Variants in PCDHAC2 observed in about 807,000 individuals in gnomAD.
PCDHAC2 encodes the protein protocadherin alpha subfamily C, 2.
A neutral mutation model predicts 63.3 loss-of-function variants in PCDHAC2; 24 were observed. The observed-to-expected ratio is 0.38, with a 90% CI of 0.27 to 0.53. PCDHAC2 has a LOEUF of 0.53. Among genes scored for constraint, PCDHAC2 ranks in the 20% least tolerant of loss-of-function variants. The pLI is 0.81. For missense variants in PCDHAC2, 1,181 were observed against 1,275.2 expected, an observed-to-expected ratio of 0.93 and a Z score of 1.12; for synonymous variants, 569 against 529.4, an observed-to-expected ratio of 1.07 and a Z score of -1.03.
chr5:140,968,772 C>T lies in PCDHAC2; in HGVS notation c.2006C>T (p.Ser669Leu), dbSNP rs782257554. 2 of 1,614,180 alleles carry T rather than the reference C, an allele frequency of 1.2e-6. No homozygotes were observed. Among genetic ancestry groups the T allele is most frequent in the South Asian group, 1.1e-5 (1 of 91,078 alleles). ...TVVVRDNGEP[S>L]LSASVAITVA... ...GTGGTCCGAGATAATGGAGAGCCAT[C>T]ACTATCAGCCTCTGTGGCCATTACA... The change falls in exon 1 of 4, where the codon TCA becomes TTA. Residue 669 changes from serine (S) to leucine (L), a missense_variant. Ser to Leu is a moderately radical substitution (Grantham distance 145). Coordinates refer to ENST00000289269, the MANE Select transcript of PCDHAC2 (RefSeq NM_018899.6).
At chr5:140,985,832 C>T (rs760290757) in intron 3 of PCDHAC2, among the ~76,000 whole-genome samples, 4 of 151,378 alleles carry the variant, frequency 2.6e-5, no homozygotes, top group African/African-American at 4.9e-5. Flanking sequence ...CTCTGCCTCC[C>T]GGGTTCATGC....
At chr5:140,985,127 C>T (rs986497777) in intron 3 of PCDHAC2, among the ~76,000 whole-genome samples, 7 of 152,152 alleles carry the variant, frequency 4.6e-5, no homozygotes, top group Non-Finnish European at 1.0e-4. Flanking sequence ...TTAGTAAAGA[C>T]GGGGTTTCAC....
In PCDHAC2 at chr5:140,968,608, T is replaced by C; in HGVS notation, c.1842T>C (p.Ser614=). ...AAGTCATAGCTATGGACTCAGACTCTGGGCAAAATGCTTGGCTTTTTTACC... is the reference window on the plus strand; with the variant it reads ...AAGTCATAGCTATGGACTCAGACTCCGGGCAAAATGCTTGGCTTTTTTACC... ...VTKVIAMDSD[S]GQNAWLFYHL... is the part of the protein sequence containing the mutation. The change falls in exon 1 of 4, where the codon TCT becomes TCC. Residue 614 remains serine, a synonymous_variant. Transcript: ENST00000289269. The C allele has an allele frequency of 6.2e-7, 1 of 1,614,242 alleles. No individual in the cohort carries two copies. Among genetic ancestry groups the C allele is most frequent in the South Asian group, 1.1e-5 (1 of 91,092 alleles).
In PCDHAC2 at chr5:141,012,192, T is replaced by TA. The variant is rs1424309622; in HGVS notation, c.*2256dup. 1 of 153,796 alleles carries TA rather than the reference T, an allele frequency of 6.5e-6. No homozygotes were observed. The highest frequency in any genetic ancestry group is 6.5e-5 in the Admixed American group (1 of 15,282). The allele number at this position is 153,796 out of a possible 1,614,324, so 9.5% of individuals were successfully genotyped here. ...AATGATGATAATTATAATGTATCTGTACAGCACTTTTTACATTTGCGAAGT... is the reference window on the plus strand; with the variant it reads ...AATGATGATAATTATAATGTATCTGTAACAGCACTTTTTACATTTGCGAAGT... On this transcript the variant is annotated 3_prime_UTR_variant, in exon 4 of 4. Transcript: ENST00000289269.
intron 3 of PCDHAC2, among the ~76,000 whole-genome samples, chr5:141,006,898 C>A (rs2098293427): frequency 6.6e-6 from 1 of 152,152 alleles, no homozygotes; most frequent in East Asian, 1.9e-4. Context: ...TTTCAGATTT[C>A]TTCAGTTTGG....
chr5:140,978,150 C>T (rs1009630892), intron 1 of PCDHAC2, among the ~76,000 whole-genome samples: 2 of 152,286 alleles, frequency 1.3e-5, no homozygotes, highest in South Asian at 4.2e-4. Context: ...TTGTTCTCCC[C>T]CTTCAGACTG....
At chr5:141,001,822 TGACAGAGAGGGA>T (rs541215764) in intron 3 of PCDHAC2, among the ~76,000 whole-genome samples, 203 of 152,310 alleles carry the variant, frequency 1.3e-3, no homozygotes, top group African/African-American at 4.5e-3. Context: ...GGCCAAATTC[TGACAGAGAGGGA>T]GACAGAGAGA....
chr5:140,985,170 C>T (rs1465909141), intron 3 of PCDHAC2, among the ~76,000 whole-genome samples: 12 of 152,168 alleles, frequency 7.9e-5, no homozygotes, highest in African/African-American at 2.9e-4. Flanking sequence ...ATCTCCTGAC[C>T]TCGTAATCCG....
At chr5:140,997,465 A>G (rs1427334533) in intron 3 of PCDHAC2, among the ~76,000 whole-genome samples, 1 of 152,182 alleles carries the variant, frequency 6.6e-6, no homozygotes, top group Non-Finnish European at 1.5e-5. Flanking sequence ...ACTGTAGGCA[A>G]TTTTTACACA....
In PCDHAC2 at chr5:140,967,156, G is replaced by A. The variant is rs1169438367; in HGVS notation, c.390G>A (p.Ala130=). ...AAGTGCTGGCGCACAACCCCGTGGC[G>A]GTGAGCGCCGTTGAGGTGGAAATAT... is the stretch of plus-strand genomic sequence containing the variant. ...SLEVLAHNPV[A]VSAVEVEILD... The change falls in exon 1 of 4, where the codon GCG becomes GCA. Residue 130 remains alanine, a synonymous_variant. Coordinates refer to ENST00000289269, the MANE Select transcript of PCDHAC2 (RefSeq NM_018899.6). The A allele has an allele frequency of 6.2e-7, 1 of 1,610,422 alleles. No individual in the cohort carries two copies. The highest frequency in any genetic ancestry group is 1.7e-5 in the Admixed American group (1 of 59,924).
chr5:140,967,929 G>C lies in PCDHAC2; in HGVS notation c.1163G>C (p.Ser388Thr), dbSNP rs1554230126. ...ATPNTIVAVL[S>T]VNDQDSGPNR... is the part of the protein sequence containing the mutation. ...CCCAACACCATTGTGGCCGTTCTCAGTGTCAATGACCAAGACTCAGGCCCC... is the reference window on the plus strand; with the variant it reads ...CCCAACACCATTGTGGCCGTTCTCACTGTCAATGACCAAGACTCAGGCCCC... Residue 388 changes from serine to threonine, a missense_variant, in exon 1 of 4, where the codon AGT becomes ACT. Physicochemically the swap from Ser to Thr is moderately conservative, Grantham distance 58 (BLOSUM62 1). Around this residue, in one of 3 missense-constraint regions of PCDHAC2, gnomAD observed 968 missense variants for 1,073.5 expected, o/e 0.90. Transcript: ENST00000289269. 6.2e-7 allele frequency: 1 copy of C among 1,614,214 alleles called. No homozygotes were observed. The highest frequency in any genetic ancestry group is 8.5e-7 in the Non-Finnish European group (1 of 1,180,034).
At chr5:141,007,258 A>G (rs1160413471) in intron 3 of PCDHAC2, among the ~76,000 whole-genome samples, 1 of 152,110 alleles carries the variant, frequency 6.6e-6, no homozygotes, top group Non-Finnish European at 1.5e-5. Flanking sequence ...AGTTAAAAGA[A>G]GCAGATACAG....
chr5:141,004,632 GA>G (rs1401867459), intron 3 of PCDHAC2, among the ~76,000 whole-genome samples: 19 of 152,200 alleles, frequency 1.2e-4, no homozygotes, highest in African/African-American at 3.4e-4. Context: ...TATGGTTGAA[GA>G]AAAATTTCCA....
intron 3 of PCDHAC2, among the ~76,000 whole-genome samples, chr5:140,987,875 G>A (rs1293461683): frequency 6.6e-6 from 1 of 152,008 alleles, no homozygotes; most frequent in Non-Finnish European, 1.5e-5. Flanking sequence ...GTGGAAAATG[G>A]ACAGTTTATG....
At chr5:140,999,892 G>A (rs1329841334) in intron 3 of PCDHAC2, among the ~76,000 whole-genome samples, 1 of 152,134 alleles carries the variant, frequency 6.6e-6, no homozygotes, top group Non-Finnish European at 1.5e-5. Context: ...GCTGTAGCTT[G>A]GGACACCAAA....
chr5:140,967,601 C>A lies in PCDHAC2; in HGVS notation c.835C>A (p.Leu279Met), dbSNP rs782574259. The A allele has an allele frequency of 9.3e-6, 15 of 1,614,144 alleles. No individual in the cohort carries two copies. The highest frequency in any genetic ancestry group is 1.3e-5 in the Non-Finnish European group (15 of 1,180,034). ...ACCCCCAGGCACATTGGTGGTGAAGCTGAATGCCTCAGACCCGGATGAGGG... is the reference window on the plus strand; with the variant it reads ...ACCCCCAGGCACATTGGTGGTGAAGATGAATGCCTCAGACCCGGATGAGGG... ...DSPPGTLVVK[L>M]NASDPDEGSN... Residue 279 changes from leucine to methionine, a missense_variant, in exon 1 of 4, where the codon CTG (leucine) becomes ATG (methionine). Around this residue, in one of 3 missense-constraint regions of PCDHAC2, gnomAD observed 968 missense variants for 1,073.5 expected, o/e 0.90. Transcript: ENST00000289269.
At chr5:140,979,051 G>T (rs1554240209) in intron 2 of PCDHAC2, 44 bp downstream of exon 2, 1 of 1,609,534 alleles carries the variant, frequency 6.2e-7, no homozygotes, top group South Asian at 1.1e-5. Flanking sequence ...ACCTTAACTT[G>T]GTATGGCTCA....
intron 3 of PCDHAC2, among the ~76,000 whole-genome samples, chr5:140,983,265 T>C (rs553920702): frequency 6.6e-6 from 1 of 152,200 alleles, no homozygotes; most frequent in Non-Finnish European, 1.5e-5. Flanking sequence ...AAAAACCTAA[T>C]GGCTGGGTGA....
chr5:140,966,794 G>T lies in PCDHAC2; in HGVS notation c.28G>T (p.Ala10Ser). 6.5e-7 allele frequency: 1 copy of T among 1,533,558 alleles called. No homozygotes were observed. The allele number at this position is 1,533,558 out of a possible 1,614,324, so 95.0% of individuals were successfully genotyped here. The change falls in exon 1 of 4, where the codon GCG (alanine) becomes TCG (serine). Residue 10 changes from alanine to serine, a missense_variant. Ala to Ser is a moderately conservative substitution (Grantham distance 99). Coordinates refer to ENST00000289269, the MANE Select transcript of PCDHAC2 (RefSeq NM_018899.6). ...GGAGCAGGCGGGCACCAGACCTGCG[G>T]CGACAGAGCATCCACGGCTCCGGCG... Reference protein sequence around the residue: MEQAGTRPAATEHPRLRRPM... With the variant: MEQAGTRPASTEHPRLRRPM...
Sources: gnomAD v4.1 joint callset for allele counts (sites outside exome capture counted in the v4.1 genomes callset) on GRCh38, gnomAD v4.1.1 for gene constraint, gnomAD v4.1.1 regional missense constraint, MANE v1.5 for transcripts, NCBI Gene and HGNC (gene_info 2026-07-23, HGNC 2026-07-21) for gene names.